POU6F2: variants seen among roughly 807,000 people sequenced by gnomAD.
POU6F2 encodes POU class 6 homeobox 2.
POU6F2 carries 31 observed loss-of-function variants against 71.3 expected under a neutral mutation model. That is an observed-to-expected ratio of 0.43 (90% confidence interval 0.33 to 0.59). The LOEUF (loss-of-function observed/expected upper bound fraction) is 0.59. Ranked by LOEUF, POU6F2 falls within the 20% of genes least tolerant of loss-of-function variation. The pLI is 0.04. For synonymous variants in POU6F2, 347 were observed against 355.7 expected, an observed-to-expected ratio of 0.98 and a Z score of 0.27; for missense variants, 783 against 856.8, an observed-to-expected ratio of 0.91 and a Z score of 1.07.
chr7:39,115,702 A>G (rs1791913969), intron 2 of POU6F2, among the ~76,000 whole-genome samples: 1 of 152,186 alleles, frequency 6.6e-6, no homozygotes, highest in Non-Finnish European at 1.5e-5. Context: ...GATCAAGTCA[A>G]AGCTTCCGGA....
intron 2 of POU6F2, among the ~76,000 whole-genome samples, chr7:39,101,488 A>G (rs1170226707): frequency 6.8e-6 from 1 of 147,364 alleles, no homozygotes; most frequent in Non-Finnish European, 1.5e-5. Context: ...TATATGTTCC[A>G]TGGTGGTTCA....
intron 2 of POU6F2, among the ~76,000 whole-genome samples, chr7:39,149,351 T>C (rs1792694279): frequency 1.3e-5 from 2 of 152,236 alleles, no homozygotes; most frequent in South Asian, 4.1e-4. Context: ...CTTCTTTTTT[T>C]AAGCATTAAT....
chr7:39,313,385 G>A (rs1052289498), intron 4 of POU6F2, among the ~76,000 whole-genome samples: 1 of 151,840 alleles, frequency 6.6e-6, no homozygotes, highest in Non-Finnish European at 1.5e-5. Context: ...TTCTCTGCTT[G>A]ATTTTTCTCC....
rs141518949 is a variant in POU6F2 at position 39,013,737 on chromosome 7, C to T, written c.105+35679C>T. 3.2e-3 allele frequency among the ~76,000 whole-genome samples: 480 copies of T among 152,236 alleles called. 3 individuals carry two copies. Among genetic ancestry groups the T allele is most frequent in the African/African-American group, 0.011 (447 of 41,548 alleles). On this transcript the variant is annotated intron_variant, in intron 1 of 9. Transcript: ENST00000518318. ...AACATGGTCCCTTCCTTTCTATTAA[C>T]GGCATTTGTCTATAAACACCAAGGG...
At chr7:39,185,798 CAT>C (rs199572267) in intron 2 of POU6F2, among the ~76,000 whole-genome samples, 2 of 141,266 alleles carry the variant, frequency 1.4e-5, no homozygotes, top group Non-Finnish European at 3.0e-5. Context: ...ACTTGGTATA[CAT>C]ATATATATGT....
chr7:39,211,469 G>A (rs1274317265), intron 4 of POU6F2, among the ~76,000 whole-genome samples: 1 of 152,168 alleles, frequency 6.6e-6, no homozygotes, highest in Non-Finnish European at 1.5e-5. Context: ...TGAAGTCCTT[G>A]CTCTGAGATT....
chr7:39,020,701 T>A (rs1789664484), intron 1 of POU6F2, among the ~76,000 whole-genome samples: 1 of 152,130 alleles, frequency 6.6e-6, no homozygotes, highest in Admixed American at 6.6e-5. Flanking sequence ...GAGGTGTTAT[T>A]GCTCTTAAGA....
chr7:39,087,159 A>ATTTATTT (rs1791269796), intron 2 of POU6F2, among the ~76,000 whole-genome samples: 65 of 125,740 alleles, frequency 5.2e-4, no homozygotes, highest in Non-Finnish European at 8.2e-4. Flanking sequence ...TTAATTAATT[A>ATTTATTT]ATTTATTTAT....
chr7:39,010,764 C>T, intron 1 of POU6F2, among the ~76,000 whole-genome samples: 1 of 142,618 alleles, frequency 7.0e-6, no homozygotes, highest in African/African-American at 2.6e-5. Flanking sequence ...TTTATTTCTG[C>T]CTTCATTTCG....
chr7:39,234,720 T>C (rs559017942), intron 4 of POU6F2, among the ~76,000 whole-genome samples: 24 of 152,318 alleles, frequency 1.6e-4, no homozygotes, highest in African/African-American at 5.5e-4. Flanking sequence ...GAACTACTAT[T>C]TTATAGGGAC....
At chr7:39,325,277 G>A (rs1220515982) in intron 4 of POU6F2, among the ~76,000 whole-genome samples, 1 of 152,082 alleles carries the variant, frequency 6.6e-6, no homozygotes, top group Non-Finnish European at 1.5e-5. Flanking sequence ...GGATCCATGT[G>A]GTCCTAGAAT....
At chr7:39,157,151 G>A (rs752764420) in intron 2 of POU6F2, among the ~76,000 whole-genome samples, 12 of 152,094 alleles carry the variant, frequency 7.9e-5, no homozygotes, top group Non-Finnish European at 1.3e-4. Context: ...AATTCCGGTG[G>A]GGGAACCAGT....
intron 4 of POU6F2, among the ~76,000 whole-genome samples, chr7:39,305,079 A>T (rs182698317): frequency 6.6e-6 from 1 of 152,252 alleles, no homozygotes; most frequent in Non-Finnish European, 1.5e-5. Context: ...ACAAGTTAAC[A>T]TGTGTGATGC....
chr7:39,091,890 G>A (rs898838334), intron 2 of POU6F2, among the ~76,000 whole-genome samples: 2 of 152,194 alleles, frequency 1.3e-5, no homozygotes, highest in Admixed American at 1.3e-4. Flanking sequence ...GAGAGAACTG[G>A]CACTTTCTTT....
intron 1 of POU6F2, among the ~76,000 whole-genome samples, chr7:39,079,650 T>C (rs551471959): frequency 2.8e-4 from 42 of 152,332 alleles, no homozygotes; most frequent in African/African-American, 8.9e-4. Context: ...TAATTTTGAA[T>C]GTCCTGCTTG....
intron 1 of POU6F2, among the ~76,000 whole-genome samples, chr7:39,071,446 G>A (rs902276226): frequency 6.6e-6 from 1 of 151,982 alleles, no homozygotes; most frequent in Non-Finnish European, 1.5e-5. Context: ...AGACTGGTCT[G>A]TGGCCCAAGG....
intron 2 of POU6F2, among the ~76,000 whole-genome samples, chr7:39,102,885 A>G (rs749526836): frequency 1.3e-5 from 2 of 152,222 alleles, no homozygotes; most frequent in East Asian, 1.9e-4. Flanking sequence ...ACTGTAGCCA[A>G]TTGTAACATG....
chr7:38,996,035 C>CTTTTATTTTT (rs1788726259), intron 1 of POU6F2, among the ~76,000 whole-genome samples: 1 of 85,390 alleles, frequency 1.2e-5, no homozygotes, highest in Non-Finnish European at 2.2e-5. Flanking sequence ...AGGGGCTTGG[C>CTTTTATTTTT]TTTTTTTTTT....
chr7:39,264,258 T>G (rs1344858289), intron 4 of POU6F2, among the ~76,000 whole-genome samples: 1 of 152,134 alleles, frequency 6.6e-6, no homozygotes. Context: ...TGGCATACAG[T>G]AAGTGCTCTA....
Sources: gnomAD v4.1 joint callset for allele counts (sites outside exome capture counted in the v4.1 genomes callset) on GRCh38, gnomAD v4.1.1 for gene constraint, MANE v1.5 for transcripts, NCBI Gene and HGNC (gene_info 2026-07-23, HGNC 2026-07-21) for gene names.